The following DEPDC1B variants were observed in gnomAD, a reference collection of about 807,000 sequenced individuals.
The protein encoded by DEPDC1B is DEP domain-containing protein 1B.
Under a neutral mutation model 66.5 loss-of-function variants are expected in DEPDC1B, and 51 were observed. The observed-to-expected ratio is 0.77, with a 90% CI of 0.61 to 0.97. The LOEUF is 0.97. Ranked by LOEUF, DEPDC1B falls within the 50% of genes least tolerant of loss-of-function variation. The pLI is 0.00. For missense variants in DEPDC1B, 552 were observed against 637.1 expected, an observed-to-expected ratio of 0.87 and a Z score of 1.44; for synonymous variants, 226 against 223.6, an observed-to-expected ratio of 1.01 and a Z score of -0.10.
At chr5:60,688,936 A>G in intron 1 of DEPDC1B, 1 of 434,860 alleles carries the variant, frequency 2.3e-6, no homozygotes, top group Non-Finnish European at 4.6e-6. Context: ...TCGTTTTGTC[A>G]AATCAAGTAC....
intron 1 of DEPDC1B, 37 bp from the exon 2 acceptor site, chr5:60,687,264 C>T (rs1399033598): frequency 1.3e-6 from 2 of 1,565,814 alleles, no homozygotes; most frequent in African/African-American, 2.7e-5. Context: ...TAGTAATCAA[C>T]TGATTTTTTT....
chr5:60,647,330 C>G (rs1375666042), intron 3 of DEPDC1B, 68 bp downstream of exon 3: 2 of 1,495,528 alleles, frequency 1.3e-6, no homozygotes, highest in Non-Finnish European at 1.8e-6. Context: ...ACAGAAAGAC[C>G]AAGCCTAGGA....
In DEPDC1B at chr5:60,645,546, C is replaced by T. The variant is rs370040377; in HGVS notation, c.524G>A (p.Arg175Lys). 39 of 1,613,152 alleles carry T rather than the reference C, an allele frequency of 2.4e-5. No homozygotes were observed. Among genetic ancestry groups the T allele is most frequent in the African/African-American group, 4.0e-5 (3 of 74,818 alleles). The change falls in exon 4 of 11, where the codon AGA (arginine) becomes AAA (lysine). Residue 175 changes from arginine (R) to lysine (K), a missense_variant. Physicochemically the swap from Arg to Lys is conservative, Grantham distance 26. Transcript: ENST00000265036. Reference sequence around the variant, plus strand: ...TTCTACATTGGCCTCTGTCAGCTGTCTGCGGTGGACAAGACGGCAAGCTGG... The same window carrying T: ...TTCTACATTGGCCTCTGTCAGCTGTTTGCGGTGGACAAGACGGCAAGCTGG... ...EVPACRLVHR[R>K]QLTEANVEEI...
chr5:60,666,445 A>C (rs1316211932), intron 2 of DEPDC1B, among the ~76,000 whole-genome samples: 2 of 152,128 alleles, frequency 1.3e-5, no homozygotes, highest in African/African-American at 4.8e-5. Flanking sequence ...CTAAGAACAA[A>C]GACCCCCCCC....
intron 1 of DEPDC1B, among the ~76,000 whole-genome samples, chr5:60,689,880 A>G (rs1754504268): frequency 6.6e-6 from 1 of 152,108 alleles, no homozygotes; most frequent in Non-Finnish European, 1.5e-5. Flanking sequence ...CATTTCTACA[A>G]AAAATTTAAA....
intron 1 of DEPDC1B, chr5:60,687,692 AT>A: frequency 6.2e-6 from 1 of 161,236 alleles, no homozygotes; most frequent in South Asian, 1.3e-4. Flanking sequence ...TGCCCAGCTA[AT>A]TTTTGTATTT....
chr5:60,632,094 G>A (rs1414413344), intron 7 of DEPDC1B, among the ~76,000 whole-genome samples: 2 of 152,216 alleles, frequency 1.3e-5, no homozygotes, highest in African/African-American at 2.4e-5. Context: ...GGAACAATTT[G>A]TCTATTTTGT....
intron 2 of DEPDC1B, among the ~76,000 whole-genome samples, chr5:60,664,678 G>A (rs1470420215): frequency 7.2e-5 from 11 of 152,260 alleles, no homozygotes; most frequent in East Asian, 1.9e-4. Flanking sequence ...TTCAAAAGGC[G>A]GAGTATGCAG....
intron 2 of DEPDC1B, among the ~76,000 whole-genome samples, chr5:60,674,929 C>T (rs1434818713): frequency 2.0e-5 from 3 of 152,176 alleles, no homozygotes; most frequent in East Asian, 3.9e-4. Flanking sequence ...TGAGTTCATG[C>T]TCCAGGAACA....
chr5:60,618,013 T>C lies in DEPDC1B; in HGVS notation c.899-12157A>G, dbSNP rs961122988. Among the ~76,000 whole-genome samples the C allele has an allele frequency of 5.3e-5, 8 of 152,210 alleles. 1 individual carries two copies. Among genetic ancestry groups the C allele is most frequent in the African/African-American group, 1.7e-4 (7 of 41,556 alleles). ...TCAAAACCGCTCGACTACATGGAAA[T>C]TGAACAACCTGCTCCTAAATGACTA... On this transcript the variant is annotated intron_variant, in intron 7 of 10. Transcript: ENST00000265036.
chr5:60,688,125 A>C (rs1229911895), intron 1 of DEPDC1B, among the ~76,000 whole-genome samples: 1 of 152,182 alleles, frequency 6.6e-6, no homozygotes, highest in African/African-American at 2.4e-5. Flanking sequence ...AAAAGAGATG[A>C]AAAAGATAAT....
intron 1 of DEPDC1B, among the ~76,000 whole-genome samples, chr5:60,691,055 C>CTTT (rs58826050): frequency 5.7e-5 from 8 of 139,288 alleles, no homozygotes; most frequent in South Asian, 2.3e-4. Flanking sequence ...ACTTTTTCTA[C>CTTT]TTTTTTTTTT....
chr5:60,645,017 A>G (rs1255435502), intron 4 of DEPDC1B, 142 bp from the exon 5 acceptor site: 11 of 562,610 alleles, frequency 2.0e-5, no homozygotes, highest in Admixed American at 3.8e-5. Flanking sequence ...AAGGGTAGAA[A>G]TGGAGTACAA....
chr5:60,620,979 G>C (rs778521657), intron 7 of DEPDC1B, among the ~76,000 whole-genome samples: 63 of 152,272 alleles, frequency 4.1e-4, no homozygotes, highest in Admixed American at 7.8e-4. Flanking sequence ...ATGAGTTCAT[G>C]TGCTTTGTAG....
chr5:60,690,453 C>T (rs995047585), intron 1 of DEPDC1B, among the ~76,000 whole-genome samples: 5 of 152,146 alleles, frequency 3.3e-5, no homozygotes, highest in Admixed American at 3.3e-4. Context: ...AAAGGAAAGT[C>T]ATCTCTTTTG....
At chr5:60,613,788 T>TTGTGTGTGTG (rs36109910) in intron 7 of DEPDC1B, among the ~76,000 whole-genome samples, 1,624 of 103,324 alleles carry the variant, frequency 0.016, 19 homozygotes, top group African/African-American at 0.03. Flanking sequence ...ACATATGTAT[T>TTGTGTGTGTG]TGTGTGTGTG....
At chr5:60,611,607 T>C (rs796647235) in intron 7 of DEPDC1B, among the ~76,000 whole-genome samples, 1 of 152,216 alleles carries the variant, frequency 6.6e-6, no homozygotes, top group South Asian at 2.1e-4. Flanking sequence ...GATAAAGCAG[T>C]GAAACAGCTG....
In DEPDC1B at chr5:60,645,486, A is replaced by G. The variant is rs1218471936; in HGVS notation, c.578+6T>C. Reference sequence around the variant, plus strand: ...AAAATTTCTCATTAATATCAAATGTACATACTATGATAATGTCATAGACTT... The same window carrying G: ...AAAATTTCTCATTAATATCAAATGTGCATACTATGATAATGTCATAGACTT... On this transcript the variant is annotated splice_donor_region_variant and intron_variant, in intron 4 of 10. Coordinates refer to ENST00000265036, the MANE Select transcript of DEPDC1B (RefSeq NM_018369.3). 1.2e-6 allele frequency: 2 copies of G among 1,602,654 alleles called. No homozygotes were observed. The highest frequency in any genetic ancestry group is 2.7e-5 in the African/African-American group (2 of 74,476).
intron 1 of DEPDC1B, among the ~76,000 whole-genome samples, chr5:60,695,418 A>T (rs1237260675): frequency 1.3e-5 from 2 of 152,148 alleles, no homozygotes; most frequent in Non-Finnish European, 2.9e-5. Flanking sequence ...AAACAATCAG[A>T]TCGCACATGA....
Sources: gnomAD v4.1 joint callset for allele counts (sites outside exome capture counted in the v4.1 genomes callset) on GRCh38, gnomAD v4.1.1 for gene constraint, MANE v1.5 for transcripts, NCBI Gene and HGNC (gene_info 2026-07-23, HGNC 2026-07-21) for gene names.